The following KIF24 variants were observed in gnomAD, a reference collection of about 807,000 sequenced individuals.
KIF24 encodes kinesin family member 24, also known as kinesin-like protein KIF24.
KIF24 carries 81 observed loss-of-function variants against 118.9 expected under a neutral mutation model. That is an observed-to-expected ratio of 0.68 (90% CI 0.57 to 0.82). The LOEUF (loss-of-function observed/expected upper bound fraction) is 0.82, where lower values mean the gene tolerates loss of function less well. Among genes scored for constraint, KIF24 ranks in the 40% least tolerant of loss-of-function variants. The pLI, the probability that KIF24 is intolerant of heterozygous loss-of-function variation, is 0.00. For synonymous variants in KIF24, 599 were observed against 610.0 expected (o/e 0.98, Z 0.27); for missense variants, 1,560 against 1,661.6 (o/e 0.94, Z 1.06).
At position 34,301,114 on chromosome 9, in the gene KIF24, G is replaced by C. The variant is rs374184054; in HGVS notation, c.814-4000C>G. On this transcript the variant is annotated intron_variant, in intron 3 of 12. Transcript: ENST00000402558. ...TCATGAAAGATATGTAAACATGCAA[G>C]ATTATTATAGTTAATGTATATACAC... Among the ~76,000 whole-genome samples the C allele has an allele frequency of 5.3e-5, 8 of 152,260 alleles. No individual in the cohort carries two copies. The East Asian group carries it at 1.5e-3, about 29-fold the overall frequency.
At chr9:34,286,533 C>G in intron 6 of KIF24, 84 bp downstream of exon 6, 1 of 931,096 alleles carries the variant, frequency 1.1e-6, no homozygotes, top group Non-Finnish European at 1.8e-6. Context: ...TATAAGTCCA[C>G]AGTACTTGCT....
chr9:34,287,105 T>C (rs1587940113), intron 5 of KIF24, among the ~76,000 whole-genome samples: 1 of 152,202 alleles, frequency 6.6e-6, no homozygotes, highest in East Asian at 1.9e-4. Flanking sequence ...TGTGAAAGCA[T>C]ATGGCCCTGT....
chr9:34,319,823 T>C (rs1837456677), intron 1 of KIF24, among the ~76,000 whole-genome samples: 1 of 152,060 alleles, frequency 6.6e-6, no homozygotes, highest in Non-Finnish European at 1.5e-5. Flanking sequence ...CCAGCTAGAA[T>C]TTACTCCACT....
At chr9:34,294,049 T>C (rs912401008) in intron 4 of KIF24, among the ~76,000 whole-genome samples, 2 of 152,106 alleles carry the variant, frequency 1.3e-5, no homozygotes, top group Non-Finnish European at 2.9e-5. Flanking sequence ...ATTGCAGCCT[T>C]GATCTCTTGG....
At position 34,329,232 on chromosome 9, in the gene KIF24, C is replaced by T. The variant is rs912231190; in HGVS notation, c.-152G>A. Among the ~76,000 whole-genome samples, 1 of 152,246 alleles carries T rather than the reference C, an allele frequency of 6.6e-6. No individual in the cohort carries two copies. The highest frequency in any genetic ancestry group is 2.4e-5 in the African/African-American group (1 of 41,474). ...GGAGCCACCGGCGGCGGCCAGGCCG[C>T]ATCTCCATGGCAACGCCGCCAAGCG... is the stretch of plus-strand genomic sequence containing the variant. On this transcript the variant is annotated 5_prime_UTR_variant, in exon 1 of 13. An upstream start codon of the reference 5' UTR is lost. Transcript: ENST00000402558.
chr9:34,255,114 G>A lies in KIF24; in HGVS notation c.3924C>T (p.Leu1308=), dbSNP rs1419138095. The A allele has an allele frequency of 5.0e-6, 8 of 1,595,838 alleles. No individual in the cohort carries two copies. The highest frequency in any genetic ancestry group is 3.4e-5 in the South Asian group (3 of 87,688). The change falls in exon 12 of 13, where the codon CTC becomes CTT. Residue 1308 remains leucine (L), a synonymous_variant. Transcript: ENST00000402558. ...HQEQLDEMAE[L]GFKEETLMSQ... is the part of the protein sequence containing the mutation. ...TCATCAGCGTCTCCTCCTTGAAGCCGAGCTCAGCCATTTCATCCAGCTGTT... is the reference window on the plus strand; with the variant it reads ...TCATCAGCGTCTCCTCCTTGAAGCCAAGCTCAGCCATTTCATCCAGCTGTT...
chr9:34,258,392 C>T (rs1834937214), intron 10 of KIF24, among the ~76,000 whole-genome samples: 1 of 152,132 alleles, frequency 6.6e-6, no homozygotes, highest in Admixed American at 6.5e-5. Context: ...ATTGCTTGAG[C>T]CCTGGAGTTC....
intron 1 of KIF24, among the ~76,000 whole-genome samples, chr9:34,324,546 T>C (rs1384784974): frequency 6.6e-6 from 1 of 152,192 alleles, no homozygotes; most frequent in East Asian, 1.9e-4. Flanking sequence ...TCATACCTGT[T>C]CTCCTGGCCT....
rs749630833 is a variant in KIF24 at position 34,257,843 on chromosome 9, G to C, written c.1764C>G (p.Val588=). 1 of 1,614,024 alleles carries C rather than the reference G, an allele frequency of 6.2e-7. No homozygotes were observed. The highest frequency in any genetic ancestry group is 1.7e-5 in the Admixed American group (1 of 60,014). Residue 588 remains valine (V), a synonymous_variant, in exon 11 of 13, where the codon GTC becomes GTG. Transcript: ENST00000402558. ...LSEDKCSPKK[V]KLGFQQSLTV... is the part of the protein sequence containing the mutation. ...TGAGTGACTGCTGAAATCCCAGCTT[G>C]ACTTTTTTGGGAGAACATTTGTCCT... is the stretch of plus-strand genomic sequence containing the variant.
rs1437656294 is a variant in KIF24, at chr9:34,252,756, G to A, written c.*1624C>T. 2.0e-5 allele frequency: 3 copies of A among 152,196 alleles called. No individual in the cohort carries two copies. The highest frequency in any genetic ancestry group is 2.1e-4 in the South Asian group (1 of 4,832). 9.4% of individuals were successfully genotyped at this position (152,196 alleles called of 1,614,324 possible). ...CCAGCTCCGTCTGTGGACCAAGGACGTAGGCCTTCCTGACTGTGGAGTTGG... is the reference window on the plus strand; with the variant it reads ...CCAGCTCCGTCTGTGGACCAAGGACATAGGCCTTCCTGACTGTGGAGTTGG... On this transcript the variant is annotated 3_prime_UTR_variant, in exon 13 of 13. Coordinates refer to ENST00000402558, the MANE Select transcript of KIF24 (RefSeq NM_194313.4).
rs1835010654 is a variant in KIF24 at position 34,260,414 on chromosome 9, A to G, written c.1516-709T>C. Among the ~76,000 whole-genome samples the G allele has an allele frequency of 2.0e-5, 3 of 152,206 alleles. No individual in the cohort carries two copies. The South Asian group carries it at 6.2e-4, about 32-fold the overall frequency. ...ATTAAAAATGATTATACCTGTACTT[A>G]GGAACACAGAAAGATATCTAAAGCT... On this transcript the variant is annotated intron_variant, in intron 9 of 12. Transcript: ENST00000402558.
chr9:34,314,934 G>T (rs564677954), intron 1 of KIF24, among the ~76,000 whole-genome samples: 134 of 152,258 alleles, frequency 8.8e-4, no homozygotes, highest in African/African-American at 3.0e-3. Flanking sequence ...AAAAGAGAGA[G>T]ATAAATGATC....
At chr9:34,305,027 T>A (rs1836858714) in intron 3 of KIF24, among the ~76,000 whole-genome samples, 1 of 152,168 alleles carries the variant, frequency 6.6e-6, no homozygotes, top group Non-Finnish European at 1.5e-5. Flanking sequence ...AATCTTAACA[T>A]CCAATGGATT....
chr9:34,320,658 CAAAAAAAA>C (rs68048466), intron 1 of KIF24, among the ~76,000 whole-genome samples: 7 of 54,442 alleles, frequency 1.3e-4, no homozygotes, highest in Admixed American at 5.2e-4. Flanking sequence ...AACTCCTTCT[CAAAAAAAA>C]AAAAAAAAAA....
chr9:34,315,126 C>T (rs1409021899), intron 1 of KIF24, among the ~76,000 whole-genome samples: 1 of 152,168 alleles, frequency 6.6e-6, no homozygotes, highest in African/African-American at 2.4e-5. Context: ...TTCTATGTCA[C>T]TGGTGTCTCT....
rs1834808681 is a variant in KIF24 at position 34,255,799 on chromosome 9, AG to A, written c.3807del (p.Leu1270TrpfsTer46). 1 of 1,613,908 alleles carries A rather than the reference AG, an allele frequency of 6.2e-7. No individual in the cohort carries two copies. The highest frequency in any genetic ancestry group is 8.5e-7 in the Non-Finnish European group (1 of 1,179,846). Reference sequence around the variant, plus strand: ...GTCTTGGGAGAGCAGCTGGGAACCAAGGGAGAACTTGGCCTTGCTAAGCACC... The same window carrying A: ...GTCTTGGGAGAGCAGCTGGGAACCAAGGAGAACTTGGCCTTGCTAAGCACC... ...ISRCLARPSS[P>X]LVPSCSPKTA... On this transcript the variant is annotated frameshift_variant, in exon 11 of 13. Transcript: ENST00000402558. LOFTEE classifies it high-confidence loss of function.
At chr9:34,270,614 T>G (rs1409594050) in intron 7 of KIF24, among the ~76,000 whole-genome samples, 1 of 150,338 alleles carries the variant, frequency 6.7e-6, no homozygotes, top group Non-Finnish European at 1.5e-5. Flanking sequence ...TAGCTATGTT[T>G]TTTTTTAAGA....
At chr9:34,319,340 C>A in intron 1 of KIF24, 2 of 880,774 alleles carry the variant, frequency 2.3e-6, no homozygotes, top group Non-Finnish European at 3.9e-6. Context: ...GTGGAAGTTC[C>A]CATGACCTGC....
At chr9:34,299,921 C>T (rs1405965672) in intron 3 of KIF24, among the ~76,000 whole-genome samples, 3 of 151,836 alleles carry the variant, frequency 2.0e-5, no homozygotes, top group Non-Finnish European at 4.4e-5. Flanking sequence ...AGCATAATGA[C>T]AGTCCATACA....
Sources: allele counts gnomAD v4.1 joint callset (sites outside exome capture counted in the v4.1 genomes callset), GRCh38; gene constraint gnomAD v4.1.1; transcripts MANE v1.5; gene names NCBI Gene and HGNC (gene_info 2026-07-23, HGNC 2026-07-21).